The following UIMC1 variants were observed in gnomAD, a reference collection of about 807,000 sequenced individuals.
The protein encoded by UIMC1 is BRCA1-A complex subunit RAP80.
In UIMC1, 42 loss-of-function variants were observed where a neutral mutation model predicts 84.9. The observed-to-expected ratio is 0.49, with a 90% CI of 0.39 to 0.64. UIMC1 has a LOEUF of 0.64. Among genes scored for constraint, UIMC1 ranks in the 30% least tolerant of loss-of-function variants. The probability of loss-of-function intolerance (pLI) is 0.00; values close to 1 mark genes in which losing one functional copy is unlikely to be tolerated. For missense variants in UIMC1, 825 were observed against 847.6 expected, an observed-to-expected ratio of 0.97 and a Z score of 0.33; for synonymous variants, 281 against 293.0, an observed-to-expected ratio of 0.96 and a Z score of 0.42.
intron 9 of UIMC1, among the ~76,000 whole-genome samples, chr5:176,949,932 T>C (rs1765632842): frequency 6.6e-6 from 1 of 151,618 alleles, no homozygotes; most frequent in East Asian, 2.0e-4. Flanking sequence ...CGGGCACCTG[T>C]AATCCTAGTT....
chr5:176,912,023 CAAGT>C (rs1760279678), intron 10 of UIMC1, among the ~76,000 whole-genome samples: 1 of 152,208 alleles, frequency 6.6e-6, no homozygotes, highest in African/African-American at 2.4e-5. Context: ...GTTATTTAAT[CAAGT>C]GTTTTCCAGC....
chr5:177,022,244 C>T (rs1013501983), intron 1 of UIMC1, among the ~76,000 whole-genome samples: 1 of 151,984 alleles, frequency 6.6e-6, no homozygotes, highest in Non-Finnish European at 1.5e-5. Context: ...TCCGGAGTCT[C>T]GGGGAAGATC....
rs1561861391 is a variant in UIMC1 at position 176,975,441 on chromosome 5, T to TAC, written c.186_187insGT (p.Lys63ValfsTer18). ...AAACACTTTGCTCTATTCGACTGTTTTGTCTTCGTTTTCTGCAACCCATTT... is the reference window on the plus strand; with the variant it reads ...AAACACTTTGCTCTATTCGACTGTTTACTGTCTTCGTTTTCTGCAACCCATTT... On this transcript the variant is annotated frameshift_variant, in exon 3 of 15. Coordinates refer to ENST00000511320, the MANE Select transcript of UIMC1 (RefSeq NM_001199298.2). LOFTEE classifies it high-confidence loss of function. 6.2e-7 allele frequency: 1 copy of TAC among 1,614,108 alleles called. No individual in the cohort carries two copies. The highest frequency in any genetic ancestry group is 8.5e-7 in the Non-Finnish European group (1 of 1,180,004).
intron 1 of UIMC1, among the ~76,000 whole-genome samples, chr5:177,003,097 G>C (rs1333396166): frequency 6.6e-6 from 1 of 151,862 alleles, no homozygotes; most frequent in Non-Finnish European, 1.5e-5. Context: ...TAACGCACAG[G>C]ATAAAATTAA....
intron 1 of UIMC1, among the ~76,000 whole-genome samples, chr5:177,001,166 A>AT (rs1246348015): frequency 6.6e-6 from 1 of 152,132 alleles, no homozygotes; most frequent in Non-Finnish European, 1.5e-5. Context: ...CATTTAATAC[A>AT]TTTTTATTTG....
intron 10 of UIMC1, among the ~76,000 whole-genome samples, chr5:176,930,440 T>C (rs2149422535): frequency 6.6e-6 from 1 of 152,360 alleles, no homozygotes; most frequent in Admixed American, 6.5e-5. Context: ...TCTAGGTACG[T>C]GATCTTGGGG....
At chr5:176,909,702 A>G (rs1759867710) in intron 11 of UIMC1, among the ~76,000 whole-genome samples, 1 of 152,226 alleles carries the variant, frequency 6.6e-6, no homozygotes, top group African/African-American at 2.4e-5. Context: ...ATACTTAATT[A>G]TCCAGAAGAA....
upstream of UIMC1, among the ~76,000 whole-genome samples, chr5:177,011,328 C>A (rs1448162664): frequency 2.0e-5 from 3 of 151,978 alleles, no homozygotes; most frequent in Non-Finnish European, 4.4e-5. Context: ...TTACTTGAGC[C>A]CAGGAGTTCA....
chr5:176,994,510 TAAAAAAA>T (rs58699518), intron 1 of UIMC1, among the ~76,000 whole-genome samples: 2 of 138,350 alleles, frequency 1.4e-5, no homozygotes, highest in Non-Finnish European at 3.1e-5. Context: ...GCAGTTTCTT[TAAAAAAA>T]AAAAAAAAAA....
At chr5:176,997,085 C>T (rs1773718195) in intron 1 of UIMC1, among the ~76,000 whole-genome samples, 1 of 152,156 alleles carries the variant, frequency 6.6e-6, no homozygotes, top group Non-Finnish European at 1.5e-5. Context: ...TTGGGGCAGA[C>T]TTGAAAGCTA....
chr5:176,960,305 T>C (rs975959636), intron 6 of UIMC1, among the ~76,000 whole-genome samples: 3 of 152,312 alleles, frequency 2.0e-5, no homozygotes, highest in African/African-American at 4.8e-5. Context: ...CATTTCAATG[T>C]AGAATCCCAA....
intron 1 of UIMC1, among the ~76,000 whole-genome samples, chr5:177,004,016 G>C (rs1297538015): frequency 6.6e-6 from 1 of 152,122 alleles, no homozygotes; most frequent in Non-Finnish European, 1.5e-5. Flanking sequence ...TTTTTGTAGA[G>C]ACTGGGTTTC....
intron 10 of UIMC1, among the ~76,000 whole-genome samples, chr5:176,925,294 A>G (rs893541629): frequency 6.6e-6 from 1 of 152,240 alleles, no homozygotes; most frequent in African/African-American, 2.4e-5. Flanking sequence ...GAATCATTAC[A>G]TGACTACCAG....
chr5:176,933,968 T>C (rs1763423221), intron 10 of UIMC1, among the ~76,000 whole-genome samples: 1 of 152,170 alleles, frequency 6.6e-6, no homozygotes, highest in Non-Finnish European at 1.5e-5. Context: ...CCTTTGTGGG[T>C]GGTTAGTGCT....
rs559106372 is a variant in UIMC1 at position 176,968,987 on chromosome 5, G to C, written c.768C>G (p.His256Gln). The C allele has an allele frequency of 1.7e-5, 28 of 1,614,238 alleles. No homozygotes were observed. The South Asian group carries it at 2.2e-4, about 13-fold the overall frequency. The change falls in exon 6 of 15, where the codon CAC becomes CAG. Residue 256 changes from histidine (H) to glutamine (Q), a missense_variant. His to Gln is a conservative substitution (Grantham distance 24). Coordinates refer to ENST00000511320, the MANE Select transcript of UIMC1 (RefSeq NM_001199298.2). ...TGGCATCTGCTAGGGTAGGTAGACA[G>C]TGCCTAGATGTGTCCCCGCTACCCT... ...AVQGSGDTSRHCLPTLADAKG... is the reference protein window; with the variant it reads ...AVQGSGDTSRQCLPTLADAKG...
At chr5:176,974,583 T>C (rs934250232) in intron 3 of UIMC1, among the ~76,000 whole-genome samples, 12 of 152,120 alleles carry the variant, frequency 7.9e-5, no homozygotes, top group African/African-American at 2.9e-4. Flanking sequence ...TGGTGGCTCA[T>C]GCCTATAATC....
intron 10 of UIMC1, among the ~76,000 whole-genome samples, chr5:176,930,690 G>A (rs999455421): frequency 6.6e-6 from 1 of 152,038 alleles, no homozygotes; most frequent in East Asian, 1.9e-4. Flanking sequence ...CTTTATATAC[G>A]GCCGTTAGAA....
chr5:176,998,599 C>G (rs959878461), intron 1 of UIMC1, among the ~76,000 whole-genome samples: 3 of 151,536 alleles, frequency 2.0e-5, no homozygotes, highest in African/African-American at 2.4e-5. Context: ...GAAACCCTGT[C>G]TCTACTAAAA....
intron 9 of UIMC1, among the ~76,000 whole-genome samples, chr5:176,950,749 A>C (rs10077394): frequency 0.098 from 14,857 of 151,990 alleles, 1,512 homozygotes; most frequent in African/African-American, 0.26. Context: ...GTGCACCTGT[A>C]ATCCCAGCTA....
Sources: gnomAD v4.1 joint callset for allele counts (sites outside exome capture counted in the v4.1 genomes callset) on GRCh38, gnomAD v4.1.1 for gene constraint, MANE v1.5 for transcripts, NCBI Gene and HGNC (gene_info 2026-07-23, HGNC 2026-07-21) for gene names.